The following CSMD1 variants were observed in gnomAD, a reference collection of about 807,000 sequenced individuals.
The protein encoded by CSMD1 is CUB and Sushi multiple domains 1.
A neutral mutation model predicts 417.5 loss-of-function variants in CSMD1; 213 were observed. The observed-to-expected ratio is 0.51, with a 90% confidence interval of 0.46 to 0.57. The LOEUF (loss-of-function observed/expected upper bound fraction) is 0.57, where lower values mean the gene tolerates loss of function less well. Among genes scored for constraint, CSMD1 ranks in the 20% least tolerant of loss-of-function variants. CSMD1 has a pLI of 0.00. For missense variants in CSMD1, 6,923 were observed against 4,529.7 expected (o/e 1.53, Z -15.17); for synonymous variants, 2,862 against 1,736.8 (o/e 1.65, Z -16.11).
At chr8:4,166,040 C>T (rs987423063) in intron 3 of CSMD1, among the ~76,000 whole-genome samples, 2 of 152,178 alleles carry the variant, frequency 1.3e-5, no homozygotes, top group Admixed American at 1.3e-4. Context: ...ACCTTATTTA[C>T]ATGCTCACAC....
intron 3 of CSMD1, among the ~76,000 whole-genome samples, chr8:4,408,420 G>C (rs140145344): frequency 1.6e-3 from 243 of 152,286 alleles, no homozygotes; most frequent in African/African-American, 5.5e-3. Flanking sequence ...CATTGATCAG[G>C]TTTTAAAGAA....
chr8:3,364,303 G>C (rs772235453), intron 20 of CSMD1, among the ~76,000 whole-genome samples: 2 of 152,092 alleles, frequency 1.3e-5, no homozygotes, highest in African/African-American at 2.4e-5. Flanking sequence ...CCAAAGTGTT[G>C]TCTTTTGTTT....
At chr8:3,009,242 C>T (rs1390762492) in intron 52 of CSMD1, among the ~76,000 whole-genome samples, 3 of 152,184 alleles carry the variant, frequency 2.0e-5, no homozygotes, top group Non-Finnish European at 4.4e-5. Context: ...TGTAGCAGGA[C>T]AAATACTAAA....
At chr8:3,074,559 C>G (rs573819115) in intron 49 of CSMD1, among the ~76,000 whole-genome samples, 1 of 152,164 alleles carries the variant, frequency 6.6e-6, no homozygotes, top group African/African-American at 2.4e-5. Context: ...GACAAGATAA[C>G]CCAATATGTC....
chr8:4,483,373 G>C (rs533541444), intron 2 of CSMD1, among the ~76,000 whole-genome samples: 2 of 152,242 alleles, frequency 1.3e-5, no homozygotes, highest in South Asian at 4.2e-4. Flanking sequence ...AAATTATTTT[G>C]CTTAATGCTG....
intron 3 of CSMD1, among the ~76,000 whole-genome samples, chr8:4,342,251 CTCTGTA>C (rs1563074140): frequency 1.6e-4 from 3 of 18,734 alleles, no homozygotes; most frequent in Non-Finnish European, 3.0e-4. Flanking sequence ...GTGTGTGTGT[CTCTGTA>C]TGTGTGTGTG....
chr8:3,780,968 C>G (rs747372260), intron 5 of CSMD1, among the ~76,000 whole-genome samples: 1 of 152,172 alleles, frequency 6.6e-6, no homozygotes. Flanking sequence ...TATCTGTCTT[C>G]ATGATCTGAA....
At chr8:4,197,486 G>A (rs1176162902) in intron 3 of CSMD1, among the ~76,000 whole-genome samples, 2 of 152,124 alleles carry the variant, frequency 1.3e-5, no homozygotes, top group African/African-American at 2.4e-5. Flanking sequence ...CTCAGTAGAT[G>A]GAAAACTGAC....
chr8:3,179,350 C>A (rs979826260), intron 37 of CSMD1, among the ~76,000 whole-genome samples: 25 of 152,062 alleles, frequency 1.6e-4, no homozygotes, highest in African/African-American at 5.8e-4. Context: ...GTATAAAAAA[C>A]AACCACTTAA....
At chr8:4,314,711 C>T (rs1180631377) in intron 3 of CSMD1, among the ~76,000 whole-genome samples, 1 of 152,088 alleles carries the variant, frequency 6.6e-6, no homozygotes, top group Admixed American at 6.5e-5. Flanking sequence ...TGTGTTCTTA[C>T]GTACACACAT....
chr8:3,830,419 T>G (rs531241413), intron 5 of CSMD1, among the ~76,000 whole-genome samples: 2 of 152,292 alleles, frequency 1.3e-5, no homozygotes, highest in South Asian at 4.1e-4. Flanking sequence ...GATACCCAGG[T>G]TCTAATTATA....
rs185745013 is a variant in CSMD1 at position 4,842,182 on chromosome 8, A to G, written c.85+152150T>C. On this transcript the variant is annotated intron_variant, in intron 1 of 69. Transcript: ENST00000635120. ...TGAAAACATAAGCCAGACACACATG[A>G]AAAGAATTGTAGCTGTAAACAGGTG... Among the ~76,000 whole-genome samples the G allele has an allele frequency of 5.4e-4, 83 of 152,302 alleles. 1 individual carries two copies. Among genetic ancestry groups the G allele is most frequent in the African/African-American group, 2.0e-3 (82 of 41,574 alleles).
chr8:4,537,958 G>A (rs1051262310), intron 2 of CSMD1, among the ~76,000 whole-genome samples: 1 of 152,124 alleles, frequency 6.6e-6, no homozygotes, highest in South Asian at 2.1e-4. Flanking sequence ...AAACCAATTT[G>A]CTTTTAACAG....
At chr8:4,570,141 G>C (rs1019108973) in intron 2 of CSMD1, among the ~76,000 whole-genome samples, 3 of 152,046 alleles carry the variant, frequency 2.0e-5, no homozygotes, top group South Asian at 4.1e-4. Flanking sequence ...TCTTTCTCTT[G>C]CCTGATTGCC....
intron 15 of CSMD1, among the ~76,000 whole-genome samples, chr8:3,404,283 T>C (rs1382669567): frequency 2.0e-5 from 3 of 150,190 alleles, no homozygotes; most frequent in Non-Finnish European, 4.4e-5. Context: ...TGCAGTGAGC[T>C]GAGATTGCAC....
chr8:3,180,776 C>T (rs971610581), intron 37 of CSMD1, among the ~76,000 whole-genome samples: 2 of 151,994 alleles, frequency 1.3e-5, no homozygotes, highest in Non-Finnish European at 2.9e-5. Flanking sequence ...ATTACAGGCG[C>T]CCGTCACCAT....
At chr8:3,079,928 C>G (rs148876164) in intron 49 of CSMD1, among the ~76,000 whole-genome samples, 1 of 152,178 alleles carries the variant, frequency 6.6e-6, no homozygotes, top group African/African-American at 2.4e-5. Context: ...GCACCAGTTC[C>G]GTCCTTGGCC....
chr8:3,721,295 G>A (rs536575070), intron 6 of CSMD1, among the ~76,000 whole-genome samples: 35 of 152,108 alleles, frequency 2.3e-4, no homozygotes, highest in Admixed American at 1.5e-3. Flanking sequence ...GAGATGAGTG[G>A]CCACATATTC....
chr8:3,315,437 A>AGTGT (rs35460301), intron 23 of CSMD1, among the ~76,000 whole-genome samples: 26,634 of 123,996 alleles, frequency 0.21, 2,517 homozygotes, highest in Middle Eastern at 0.32. Flanking sequence ...AGGTGAAGTG[A>AGTGT]GTGTGTGTGT....
Sources: gnomAD v4.1 joint callset for allele counts (sites outside exome capture counted in the v4.1 genomes callset) on GRCh38, gnomAD v4.1.1 for gene constraint, MANE v1.5 for transcripts, NCBI Gene and HGNC (gene_info 2026-07-23, HGNC 2026-07-21) for gene names.